AUTS2: variants seen among roughly 807,000 people sequenced by gnomAD.
AUTS2 encodes the protein autism susceptibility gene 2 protein.
A neutral mutation model predicts 112.4 loss-of-function variants in AUTS2; 17 were observed. The observed-to-expected ratio is 0.15, with a 90% CI of 0.10 to 0.23. The LOEUF is 0.23. Among genes scored for constraint, AUTS2 ranks in the 10% least tolerant of loss-of-function variants. AUTS2 has a pLI of 1.00. For missense variants in AUTS2, 1,510 were observed against 1,701.6 expected, an observed-to-expected ratio of 0.89 and a Z score of 1.98; for synonymous variants, 751 against 702.7, an observed-to-expected ratio of 1.07 and a Z score of -1.09.
chr7:69,707,783 T>A (rs1678946580), intron 1 of AUTS2, among the ~76,000 whole-genome samples: 1 of 152,228 alleles, frequency 6.6e-6, no homozygotes, highest in African/African-American at 2.4e-5. Flanking sequence ...TGAAAAACTC[T>A]TTAAACTGAA....
chr7:70,121,396 GTAAA>G (rs2129573223), intron 3 of AUTS2, among the ~76,000 whole-genome samples: 1 of 152,182 alleles, frequency 6.6e-6, no homozygotes, highest in South Asian at 2.1e-4. Context: ...TATCAAGAAA[GTAAA>G]AAGACAGCCT....
chr7:70,177,918 G>GT (rs765470016), intron 4 of AUTS2, among the ~76,000 whole-genome samples: 2,687 of 134,808 alleles, frequency 0.02, 55 homozygotes, highest in African/African-American at 0.044. Flanking sequence ...ACATAATTCT[G>GT]TTTTTTTTTT....
At chr7:70,601,940 T>C (rs1348501083) in intron 5 of AUTS2, among the ~76,000 whole-genome samples, 1 of 152,160 alleles carries the variant, frequency 6.6e-6, no homozygotes, top group East Asian at 1.9e-4. Flanking sequence ...TTATTCTACA[T>C]TACAGGTGAG....
At chr7:70,115,810 T>A (rs1805328660) in intron 2 of AUTS2, among the ~76,000 whole-genome samples, 2 of 152,168 alleles carry the variant, frequency 1.3e-5, no homozygotes, top group Non-Finnish European at 2.9e-5. Flanking sequence ...GAAAAATGTG[T>A]CATAATTTAA....
At chr7:69,719,744 G>A (rs540950627) in intron 1 of AUTS2, among the ~76,000 whole-genome samples, 1 of 152,256 alleles carries the variant, frequency 6.6e-6, no homozygotes, top group African/African-American at 2.4e-5. Context: ...TGTCATCTAT[G>A]CCTGATGCCT....
At chr7:69,615,879 A>G (rs1162112388) in intron 1 of AUTS2, among the ~76,000 whole-genome samples, 2 of 152,248 alleles carry the variant, frequency 1.3e-5, no homozygotes, top group Non-Finnish European at 2.9e-5. Flanking sequence ...ATTAGAAAAC[A>G]TATGGACATG....
chr7:69,767,214 C>T (rs1410529726), intron 1 of AUTS2, among the ~76,000 whole-genome samples: 4 of 151,214 alleles, frequency 2.6e-5, no homozygotes, highest in African/African-American at 9.7e-5. Flanking sequence ...GAGTCTTGCT[C>T]TGTCACCCAG....
intron 5 of AUTS2, among the ~76,000 whole-genome samples, chr7:70,445,542 T>C (rs1173285441): frequency 6.6e-6 from 1 of 152,230 alleles, no homozygotes; most frequent in Admixed American, 6.5e-5. Context: ...CAGGCTCTTC[T>C]GAAGTGGGAC....
At chr7:70,545,863 G>A (rs900879358) in intron 5 of AUTS2, among the ~76,000 whole-genome samples, 4 of 152,152 alleles carry the variant, frequency 2.6e-5, no homozygotes, top group African/African-American at 4.8e-5. Context: ...AGAAGGAGTG[G>A]GGGGAGTGGG....
At chr7:70,097,462 G>A (rs1297526919) in intron 2 of AUTS2, among the ~76,000 whole-genome samples, 4 of 152,162 alleles carry the variant, frequency 2.6e-5, no homozygotes. Flanking sequence ...AAATATAGAG[G>A]TGATCACAAA....
chr7:70,676,083 C>T (rs767811953), intron 5 of AUTS2, among the ~76,000 whole-genome samples: 1 of 152,158 alleles, frequency 6.6e-6, no homozygotes, highest in Non-Finnish European at 1.5e-5. Context: ...AAGTAAATGA[C>T]ATTTGGATGG....
intron 2 of AUTS2, among the ~76,000 whole-genome samples, chr7:69,935,180 A>C (rs201097969): frequency 2.6e-5 from 4 of 151,810 alleles, no homozygotes; most frequent in African/African-American, 4.8e-5. Flanking sequence ...TCTGGGAAAA[A>C]AGGACGGAGG....
At position 69,899,493 on chromosome 7, in the gene AUTS2, A is replaced by AGAC. The variant is rs1166883989; in HGVS notation, c.518_520dup (p.Arg173dup). On this transcript the variant is annotated inframe_insertion, in exon 2 of 19. Coordinates refer to ENST00000342771, the MANE Select transcript of AUTS2 (RefSeq NM_015570.4). Reference sequence around the variant, plus strand: ...GAGAAAGAAAATGCCGAAGGCACTCAGACAGGTGAGGAAGCTTGGGTTCGC... The same window carrying AGAC: ...GAGAAAGAAAATGCCGAAGGCACTCAGACGACAGGTGAGGAAGCTTGGGTTCGC... 6.2e-7 allele frequency: 1 copy of AGAC among 1,613,858 alleles called. No homozygotes were observed. Among genetic ancestry groups the AGAC allele is most frequent in the African/African-American group, 1.3e-5 (1 of 74,944 alleles).
At chr7:70,003,197 A>G (rs1432712809) in intron 2 of AUTS2, among the ~76,000 whole-genome samples, 1 of 135,430 alleles carries the variant, frequency 7.4e-6, no homozygotes, top group Non-Finnish European at 1.5e-5. Flanking sequence ...ATATATGAAT[A>G]TATTATATAT....
intron 6 of AUTS2, among the ~76,000 whole-genome samples, chr7:70,706,639 T>C (rs1204122778): frequency 1.3e-5 from 2 of 152,234 alleles, no homozygotes; most frequent in Admixed American, 1.3e-4. Context: ...GGTTCCCTAA[T>C]AGCCATTTGG....
intron 1 of AUTS2, among the ~76,000 whole-genome samples, chr7:69,665,958 A>G (rs768999167): frequency 6.6e-6 from 1 of 152,218 alleles, no homozygotes; most frequent in Non-Finnish European, 1.5e-5. Flanking sequence ...GAGAACTGCC[A>G]TCACGGAGTT....
chr7:69,929,553 CTT>C (rs1018639298), intron 2 of AUTS2, among the ~76,000 whole-genome samples: 1 of 151,492 alleles, frequency 6.6e-6, no homozygotes, highest in African/African-American at 2.4e-5. Context: ...TTTCTTCATT[CTT>C]TTTTCTCTTT....
intron 1 of AUTS2, among the ~76,000 whole-genome samples, chr7:69,666,661 A>C (rs557662576): frequency 6.6e-6 from 1 of 152,184 alleles, no homozygotes; most frequent in African/African-American, 2.4e-5. Context: ...CAACACTTTG[A>C]GAGGTGAAGG....
intron 6 of AUTS2, among the ~76,000 whole-genome samples, chr7:70,748,247 TAATGA>T (rs1401610089): frequency 6.6e-6 from 1 of 152,186 alleles, no homozygotes; most frequent in Non-Finnish European, 1.5e-5. Context: ...AAATTAAGGA[TAATGA>T]AATGAAGTAA....
Sources: allele counts gnomAD v4.1 joint callset (sites outside exome capture counted in the v4.1 genomes callset), GRCh38; gene constraint gnomAD v4.1.1; transcripts MANE v1.5; gene names NCBI Gene and HGNC (gene_info 2026-07-23, HGNC 2026-07-21).